The following PARD3B variants were observed in gnomAD, a reference collection of about 807,000 sequenced individuals.
The protein encoded by PARD3B is partitioning defective 3 homolog B.
In PARD3B, 103 loss-of-function variants were observed where a neutral mutation model predicts 130.2. The observed-to-expected ratio is 0.79, with a 90% CI of 0.67 to 0.93. The LOEUF is 0.93. Ranked by LOEUF, PARD3B falls within the 40% of genes least tolerant of loss-of-function variation. The pLI is 0.00. For synonymous variants in PARD3B, 583 were observed against 553.2 expected (o/e 1.05, Z -0.76); for missense variants, 1,609 against 1,499.2 (o/e 1.07, Z -1.21).
intron 2 of PARD3B, among the ~76,000 whole-genome samples, chr2:204,788,836 A>G (rs2042099892): frequency 1.3e-5 from 2 of 152,316 alleles, no homozygotes; most frequent in East Asian, 1.9e-4. Flanking sequence ...AGATCATAGT[A>G]TATTTGACAG....
chr2:204,888,872 C>A (rs1404360585), intron 2 of PARD3B, among the ~76,000 whole-genome samples: 1 of 151,828 alleles, frequency 6.6e-6, no homozygotes, highest in East Asian at 1.9e-4. Context: ...GAGAGACTAA[C>A]TAGGTATTTT....
At chr2:205,188,867 A>G (rs997098135) in intron 14 of PARD3B, among the ~76,000 whole-genome samples, 4 of 152,170 alleles carry the variant, frequency 2.6e-5, no homozygotes, top group African/African-American at 7.2e-5. Context: ...TAAAAGAGAA[A>G]ACTGCTATGG....
At chr2:205,150,241 GTGTGTGTGTGTGCA>G (rs1050322624) in intron 10 of PARD3B, among the ~76,000 whole-genome samples, 101 of 129,636 alleles carry the variant, frequency 7.8e-4, no homozygotes, top group Admixed American at 1.4e-3. Flanking sequence ...GTGTGTGTGT[GTGTGTGTGTGTGCA>G]CACACGCTTG....
Position 205,193,271 on chromosome 2 carries a change from C to A in PARD3B, c.2091C>A (p.Ala697=). ...TCAACTTCAGATCTGTGACACCGGC[C>A]AGGCAGCCTGAATCAATTAATTTGA... ...QHINFRSVTP[A]RQPESINLKA... The change falls in exon 15 of 23, where the codon GCC becomes GCA. Residue 697 remains alanine (A), a synonymous_variant. Transcript: ENST00000406610. 6.2e-7 allele frequency: 1 copy of A among 1,613,710 alleles called. No individual in the cohort carries two copies. The highest frequency in any genetic ancestry group is 8.5e-7 in the Non-Finnish European group (1 of 1,179,652).
intron 3 of PARD3B, among the ~76,000 whole-genome samples, chr2:205,023,610 A>G (rs2125339312): frequency 7.4e-6 from 1 of 134,258 alleles, no homozygotes; most frequent in East Asian, 2.2e-4. Context: ...GTTCCCAAGG[A>G]CCCTAATTAC....
chr2:205,002,138 A>C (rs1279694452), intron 3 of PARD3B, among the ~76,000 whole-genome samples: 1 of 152,202 alleles, frequency 6.6e-6, no homozygotes, highest in Admixed American at 6.5e-5. Context: ...GTCAATAGTC[A>C]TGTGGTAGAT....
At chr2:205,249,009 T>G (rs1041999632) in intron 16 of PARD3B, among the ~76,000 whole-genome samples, 213 of 141,572 alleles carry the variant, frequency 1.5e-3, no homozygotes, top group South Asian at 2.3e-3. Flanking sequence ...AATAAGAGTT[T>G]TTTTTTTTTT....
At chr2:204,740,680 C>T (rs775751088) in intron 2 of PARD3B, among the ~76,000 whole-genome samples, 22 of 152,176 alleles carry the variant, frequency 1.4e-4, no homozygotes, top group Non-Finnish European at 3.1e-4. Context: ...AGGCTGAGCT[C>T]AGCTGGGGCT....
chr2:204,702,116 G>A (rs1215865321), intron 2 of PARD3B, among the ~76,000 whole-genome samples: 1 of 152,142 alleles, frequency 6.6e-6, no homozygotes, highest in Non-Finnish European at 1.5e-5. Context: ...TGGGATATAT[G>A]TACCACATTT....
intron 2 of PARD3B, among the ~76,000 whole-genome samples, chr2:204,899,004 G>T (rs887923755): frequency 6.7e-6 from 1 of 149,568 alleles, no homozygotes; most frequent in Non-Finnish European, 1.5e-5. Flanking sequence ...TTCAGTTTTT[G>T]TGTGTCTTTA....
At chr2:205,247,773 A>C (rs2039632157) in intron 16 of PARD3B, among the ~76,000 whole-genome samples, 1 of 152,224 alleles carries the variant, frequency 6.6e-6, no homozygotes. Flanking sequence ...AATCACCAAA[A>C]ACCATATACT....
At chr2:205,381,619 C>T (rs906334483) in intron 18 of PARD3B, among the ~76,000 whole-genome samples, 3 of 151,942 alleles carry the variant, frequency 2.0e-5, no homozygotes, top group Admixed American at 1.3e-4. Flanking sequence ...CCAGTCTTCC[C>T]ATCTCCATTG....
At chr2:205,318,981 T>G (rs1450644070) in intron 18 of PARD3B, among the ~76,000 whole-genome samples, 1 of 152,192 alleles carries the variant, frequency 6.6e-6, no homozygotes, top group Non-Finnish European at 1.5e-5. Context: ...ACCATTTTTG[T>G]GTTCTCCTCA....
intron 1 of PARD3B, among the ~76,000 whole-genome samples, chr2:204,666,436 C>T (rs1161694516): frequency 6.6e-6 from 1 of 151,918 alleles, no homozygotes; most frequent in Non-Finnish European, 1.5e-5. Context: ...AGTAGGACTC[C>T]AAATATGTCA....
intron 18 of PARD3B, among the ~76,000 whole-genome samples, chr2:205,342,925 C>T (rs1337687364): frequency 1.3e-5 from 2 of 152,018 alleles, no homozygotes; most frequent in Non-Finnish European, 2.9e-5. Flanking sequence ...TGTCTGTTAC[C>T]CAGGCAATAT....
Position 205,521,072 on chromosome 2 carries a change from A to T in PARD3B, c.3180+21041A>T, listed in dbSNP as rs148443185. Among the ~76,000 whole-genome samples the T allele has an allele frequency of 4.1e-3, 620 of 151,588 alleles. 6 individuals carry two copies. Among genetic ancestry groups the T allele is most frequent in the African/African-American group, 0.014 (588 of 41,342 alleles). ...ACATATTACTCATCTTTCCTATGAA[A>T]GTTGTTAAGTTTATATTCTTGCCAG... On this transcript the variant is annotated intron_variant, in intron 21 of 22. Transcript: ENST00000406610.
Position 205,617,374 on chromosome 2 carries a change from G to A in PARD3B, c.*1561G>A, listed in dbSNP as rs2055469084. On this transcript the variant is annotated 3_prime_UTR_variant, in exon 23 of 23. Transcript: ENST00000406610. ...AAAAAAAGTCTTGAGTTTAATTTAGGTCTATTTTGGCTGAGATTAGCATAC... is the reference window on the plus strand; with the variant it reads ...AAAAAAAGTCTTGAGTTTAATTTAGATCTATTTTGGCTGAGATTAGCATAC... 1 of 151,892 alleles carries A rather than the reference G, an allele frequency of 6.6e-6. No homozygotes were observed. The highest frequency in any genetic ancestry group is 2.4e-5 in the African/African-American group (1 of 41,350). 9.4% of individuals were successfully genotyped at this position (151,892 alleles called of 1,614,324 possible). A position where few individuals can be genotyped will look rare whatever the true frequency, so the allele number is the denominator to read the frequency against.
chr2:205,075,145 T>G (rs904770313), intron 4 of PARD3B, among the ~76,000 whole-genome samples: 1 of 152,184 alleles, frequency 6.6e-6, no homozygotes, highest in Admixed American at 6.5e-5. Context: ...GAAATGGCTT[T>G]AAATGGAGGA....
At chr2:205,064,608 T>C (rs754996415) in intron 4 of PARD3B, among the ~76,000 whole-genome samples, 1 of 152,262 alleles carries the variant, frequency 6.6e-6, no homozygotes, top group Admixed American at 6.5e-5. Context: ...GTTTTCACCA[T>C]GTGGAAGACT....
Sources: gnomAD v4.1 joint callset for allele counts (sites outside exome capture counted in the v4.1 genomes callset) on GRCh38, gnomAD v4.1.1 for gene constraint, MANE v1.5 for transcripts, NCBI Gene and HGNC (gene_info 2026-07-23, HGNC 2026-07-21) for gene names.